The following NUFIP1 variants were observed in gnomAD, a reference collection of about 807,000 sequenced individuals.
The protein encoded by NUFIP1 is nuclear FMR1 interacting protein 1, also known as FMR1-interacting protein NUFIP1.
Under a neutral mutation model 56.2 loss-of-function variants are expected in NUFIP1, and 38 were observed. The ratio of observed to expected loss-of-function variants is 0.68; its 90% confidence interval spans 0.52 to 0.89. NUFIP1 has a LOEUF of 0.89. Among genes scored for constraint, NUFIP1 ranks in the 40% least tolerant of loss-of-function variants. The probability of loss-of-function intolerance (pLI) is 0.00; values close to 1 mark genes in which losing one functional copy is unlikely to be tolerated. For synonymous variants in NUFIP1, 215 were observed against 212.4 expected (o/e 1.01, Z -0.10); for missense variants, 567 against 605.8 (o/e 0.94, Z 0.67).
At chr13:44,964,028 T>C (rs929844929) in intron 6 of NUFIP1, among the ~76,000 whole-genome samples, 2 of 152,184 alleles carry the variant, frequency 1.3e-5, no homozygotes, top group African/African-American at 4.8e-5. Flanking sequence ...TAGTGCTGGA[T>C]CAACTGTAAT....
intron 1 of NUFIP1, among the ~76,000 whole-genome samples, chr13:44,983,577 A>C (rs1361735970): frequency 6.6e-6 from 1 of 152,082 alleles, no homozygotes; most frequent in African/African-American, 2.4e-5. Flanking sequence ...CGGGCAGACC[A>C]CTTGAGCCCA....
chr13:44,946,011 T>G (rs1870893267), intron 8 of NUFIP1, among the ~76,000 whole-genome samples: 1 of 152,146 alleles, frequency 6.6e-6, no homozygotes, highest in Non-Finnish European at 1.5e-5. Flanking sequence ...CATCATTTAC[T>G]AGCTGTGTGA....
At chr13:44,960,493 C>T (rs1041537466) in intron 6 of NUFIP1, among the ~76,000 whole-genome samples, 1 of 152,104 alleles carries the variant, frequency 6.6e-6, no homozygotes, top group African/African-American at 2.4e-5. Flanking sequence ...TCTCGAACTC[C>T]TGACCTCAGG....
At chr13:44,941,857 G>A (rs1048246819) in intron 9 of NUFIP1, among the ~76,000 whole-genome samples, 66 of 152,054 alleles carry the variant, frequency 4.3e-4, no homozygotes, top group Non-Finnish European at 2.6e-4. Flanking sequence ...TATATTTGGA[G>A]TCCTCTCTAA....
intron 1 of NUFIP1, among the ~76,000 whole-genome samples, chr13:44,984,865 C>A (rs1042595004): frequency 1.3e-5 from 2 of 152,090 alleles, no homozygotes; most frequent in African/African-American, 4.8e-5. Context: ...CCCGTTCCCC[C>A]CACCCCACAA....
At chr13:44,954,433 C>T (rs996514486) in intron 7 of NUFIP1, among the ~76,000 whole-genome samples, 9 of 152,054 alleles carry the variant, frequency 5.9e-5, no homozygotes, top group African/African-American at 1.9e-4. Flanking sequence ...TTGAAATCCT[C>T]GGCATTATAG....
chr13:44,982,057 A>G lies in NUFIP1; in HGVS notation c.495+15T>C. On this transcript the variant is annotated intron_variant, in intron 2 of 9. Transcript: ENST00000379161. ...AGGGACCAAGGGGTCAAATTCAAGA[A>G]CATCTTTCAAATACCTTTTTTTTCT... is the stretch of plus-strand genomic sequence containing the variant. 1 of 1,422,800 alleles carries G rather than the reference A, an allele frequency of 7.0e-7. No homozygotes were observed. The highest frequency in any genetic ancestry group is 9.4e-7 in the Non-Finnish European group (1 of 1,066,518). 88.1% of individuals were successfully genotyped at this position (1,422,800 alleles called of 1,614,324 possible).
chr13:44,977,311 G>C (rs1418093772), intron 5 of NUFIP1, among the ~76,000 whole-genome samples: 2 of 152,230 alleles, frequency 1.3e-5, no homozygotes, highest in African/African-American at 4.8e-5. Flanking sequence ...CTATGTATTT[G>C]CAAAGGAGGT....
Position 44,943,351 on chromosome 13 carries a change from A to AACACACACAC in NUFIP1, c.1371+81_1371+90dup, listed in dbSNP as rs36045762. Reference sequence around the variant, plus strand: ...ATGTGTCTCTGGTAACCTTAAAACAAACACACACACACACACACACACACA... The same window carrying AACACACACAC: ...ATGTGTCTCTGGTAACCTTAAAACAAACACACACACACACACACACACACACACACACACA... On this transcript the variant is annotated intron_variant, in intron 9 of 9. Transcript: ENST00000379161. 7.5e-6 allele frequency: 7 copies of AACACACACAC among 938,672 alleles called. No homozygotes were observed. The African/African-American group carries it at 1.0e-4, about 14-fold the overall frequency. The allele number at this position is 938,672 out of a possible 1,614,324, so 58.1% of individuals were successfully genotyped here.
chr13:44,968,945 C>T (rs1382667976), intron 5 of NUFIP1, among the ~76,000 whole-genome samples: 1 of 152,018 alleles, frequency 6.6e-6, no homozygotes, highest in Non-Finnish European at 1.5e-5. Flanking sequence ...TTGATGGAAG[C>T]CTTTTAAAAC....
intron 8 of NUFIP1, among the ~76,000 whole-genome samples, chr13:44,947,642 A>G (rs764761120): frequency 1.3e-5 from 2 of 152,178 alleles, no homozygotes; most frequent in African/African-American, 4.8e-5. Context: ...CAGTCTCAAA[A>G]TGAAGACATG....
At chr13:44,945,784 A>G (rs1870885184) in intron 8 of NUFIP1, among the ~76,000 whole-genome samples, 1 of 152,082 alleles carries the variant, frequency 6.6e-6, no homozygotes, top group African/African-American at 2.4e-5. Flanking sequence ...CCCAATAGTT[A>G]TACTATTTAC....
intron 9 of NUFIP1, among the ~76,000 whole-genome samples, chr13:44,942,967 T>TAAAAA (rs397959012): frequency 1.9e-5 from 2 of 105,108 alleles, no homozygotes; most frequent in African/African-American, 7.2e-5. Flanking sequence ...CCTCAACTCT[T>TAAAAA]AAAAAAAAAA....
chr13:44,973,270 T>C (rs1871866545), intron 5 of NUFIP1, among the ~76,000 whole-genome samples: 1 of 152,224 alleles, frequency 6.6e-6, no homozygotes. Flanking sequence ...CCCTATGTAG[T>C]GAGAATTTAA....
intron 5 of NUFIP1, among the ~76,000 whole-genome samples, chr13:44,971,242 C>G (rs2137914902): frequency 6.6e-6 from 1 of 152,216 alleles, no homozygotes; most frequent in African/African-American, 2.4e-5. Flanking sequence ...TATAAATAAA[C>G]TTCATCCAAA....
intron 5 of NUFIP1, among the ~76,000 whole-genome samples, chr13:44,967,316 T>C (rs1871639051): frequency 6.6e-6 from 1 of 152,002 alleles, no homozygotes; most frequent in African/African-American, 2.4e-5. Flanking sequence ...GAGACCAGCC[T>C]GGCCAACACA....
rs779331745 is a variant in NUFIP1, at chr13:44,949,702, C to A, written c.1138+20G>T. The A allele has an allele frequency of 1.3e-5, 19 of 1,495,668 alleles. No individual in the cohort carries two copies. Among genetic ancestry groups the A allele is most frequent in the South Asian group, 8.6e-5 (7 of 81,558 alleles). The allele number at this position is 1,495,668 out of a possible 1,614,324, so 92.6% of individuals were successfully genotyped here. On this transcript the variant is annotated intron_variant, in intron 8 of 9. Coordinates refer to ENST00000379161, the MANE Select transcript of NUFIP1 (RefSeq NM_012345.3). ...AAAGCAACAAAACAAAACCCTGTAA[C>A]AACACACACCATGACTTACCTTCTG...
intron 8 of NUFIP1, among the ~76,000 whole-genome samples, chr13:44,946,577 C>G (rs945507947): frequency 6.6e-6 from 1 of 152,110 alleles, no homozygotes; most frequent in Non-Finnish European, 1.5e-5. Flanking sequence ...GTGAGTATTA[C>G]CTCTTCCTTT....
chr13:44,943,609 T>C lies in NUFIP1; in HGVS notation c.1204A>G (p.Lys402Glu), dbSNP rs150561069. The C allele has an allele frequency of 1.3e-4, 214 of 1,614,028 alleles. 1 individual carries two copies. The highest frequency in any genetic ancestry group is 4.0e-4 in the East Asian group (18 of 44,890). The part of the protein sequence containing the change: ...ENQVLDSSAP[K>E]SPSQDVKATV... Reference sequence around the variant, plus strand: ...GCTTTAACATCTTGACTTGGACTCTTAGGAGCACTGCTATCAAGAACCTGG... The same window carrying C: ...GCTTTAACATCTTGACTTGGACTCTCAGGAGCACTGCTATCAAGAACCTGG... The change falls in exon 9 of 10, where the codon AAG (lysine) becomes GAG (glutamate). Residue 402 changes from lysine (K) to glutamate (E), a missense_variant. Coordinates refer to ENST00000379161, the MANE Select transcript of NUFIP1 (RefSeq NM_012345.3).
Sources: gnomAD v4.1 joint callset for allele counts (sites outside exome capture counted in the v4.1 genomes callset) on GRCh38, gnomAD v4.1.1 for gene constraint, MANE v1.5 for transcripts, NCBI Gene and HGNC (gene_info 2026-07-23, HGNC 2026-07-21) for gene names.